SNX13: variants seen among roughly 807,000 people sequenced by gnomAD.
SNX13 encodes sorting nexin 13, also known as sorting nexin-13.
A neutral mutation model predicts 133.6 loss-of-function variants in SNX13; 45 were observed. The ratio of observed to expected loss-of-function variants is 0.34; its 90% CI spans 0.27 to 0.43. The LOEUF (loss-of-function observed/expected upper bound fraction) is 0.43. SNX13 is among the 20% of genes least tolerant of loss of function. The pLI, the probability that SNX13 is intolerant of heterozygous loss-of-function variation, is 1.00. For synonymous variants in SNX13, 414 were observed against 373.9 expected (o/e 1.11, Z -1.24); for missense variants, 1,032 against 1,145.1 (o/e 0.90, Z 1.43).
rs1783819273 is a variant in SNX13 at position 17,794,233 on chromosome 7, C to G, written c.2686G>C (p.Glu896Gln). The change falls in exon 26 of 26, where the codon GAA (glutamate) becomes CAA (glutamine). Residue 896 changes from glutamate to glutamine, a missense_variant. Transcript: ENST00000428135. ...TTRKGILRVF[E>Q]MFQHNQLNRR... is the part of the protein sequence containing the mutation. ...TTTAATTGGTTGTGCTGAAACATTT[C>G]AAAAACACGAAGAATACCTTTCCGT... 6.2e-7 allele frequency: 1 copy of G among 1,611,456 alleles called. No individual in the cohort carries two copies. Among genetic ancestry groups the G allele is most frequent in the African/African-American group, 1.3e-5 (1 of 74,812 alleles).
intron 11 of SNX13, among the ~76,000 whole-genome samples, chr7:17,848,883 G>T (rs760083000): frequency 3.3e-5 from 5 of 152,192 alleles, no homozygotes; most frequent in Admixed American, 2.0e-4. Context: ...AATATCACAT[G>T]CTCAGGTTTT....
intron 15 of SNX13, chr7:17,831,464 A>C (rs1788477515): frequency 1.0e-6 from 1 of 961,840 alleles, no homozygotes; most frequent in African/African-American, 1.8e-5. Flanking sequence ...TGAGGAGAAA[A>C]GGAGAGAGGA....
At chr7:17,829,197 G>A (rs145231778) in intron 16 of SNX13, among the ~76,000 whole-genome samples, 24 of 151,540 alleles carry the variant, frequency 1.6e-4, no homozygotes, top group East Asian at 1.5e-3. Flanking sequence ...TAGCTATTAC[G>A]AAAGGTCTAA....
intron 20 of SNX13, among the ~76,000 whole-genome samples, chr7:17,813,056 GTA>G (rs977226029): frequency 8.7e-4 from 132 of 152,122 alleles, no homozygotes; most frequent in African/African-American, 3.0e-3. Flanking sequence ...CATGGCACAT[GTA>G]TACCTATGTA....
chr7:17,847,903 T>C (rs1320207493), intron 11 of SNX13, among the ~76,000 whole-genome samples: 1 of 152,112 alleles, frequency 6.6e-6, no homozygotes, highest in African/African-American at 2.4e-5. Flanking sequence ...TAAACACTTT[T>C]AACATTTGGC....
chr7:17,836,005 G>A (rs2128313097), intron 13 of SNX13, among the ~76,000 whole-genome samples: 1 of 152,000 alleles, frequency 6.6e-6, no homozygotes. Context: ...CCTTTCATTT[G>A]CCCTCTAAGC....
At chr7:17,882,272 T>C (rs181072793) in intron 5 of SNX13, 2 of 152,310 alleles carry the variant, frequency 1.3e-5, no homozygotes, top group East Asian at 3.9e-4. Flanking sequence ...TTCATGCTGA[T>C]AGCTTAAAAC....
intron 18 of SNX13, among the ~76,000 whole-genome samples, chr7:17,820,302 G>A (rs2128301750): frequency 6.6e-6 from 1 of 152,092 alleles, no homozygotes; most frequent in Non-Finnish European, 1.5e-5. Context: ...ATCATGTTTG[G>A]TTAAAGTGTA....
At chr7:17,800,286 G>A (rs1784472657) in intron 22 of SNX13, among the ~76,000 whole-genome samples, 1 of 151,602 alleles carries the variant, frequency 6.6e-6, no homozygotes, top group Non-Finnish European at 1.5e-5. Context: ...GATTAAGACA[G>A]TTGATTATAA....
At chr7:17,835,426 G>A (rs1394081003) in intron 13 of SNX13, among the ~76,000 whole-genome samples, 1 of 151,870 alleles carries the variant, frequency 6.6e-6, no homozygotes, top group Non-Finnish European at 1.5e-5. Flanking sequence ...AAGTTCCAGT[G>A]TGATATGGGG....
chr7:17,840,459 A>T (rs867859995), intron 12 of SNX13, among the ~76,000 whole-genome samples: 21 of 152,038 alleles, frequency 1.4e-4, no homozygotes, highest in East Asian at 1.9e-4. Context: ...GATCTAAATT[A>T]AAAAGTATAT....
chr7:17,906,791 C>T (rs1798447993), intron 1 of SNX13, among the ~76,000 whole-genome samples: 1 of 152,272 alleles, frequency 6.6e-6, no homozygotes, highest in Non-Finnish European at 1.5e-5. Context: ...GGTCAACCAA[C>T]AGAAGAGCCA....
intron 20 of SNX13, among the ~76,000 whole-genome samples, chr7:17,808,326 G>A (rs1168903052): frequency 1.3e-5 from 2 of 152,132 alleles, no homozygotes; most frequent in Non-Finnish European, 2.9e-5. Context: ...CTCAATAGCT[G>A]AATCAATTAA....
chr7:17,801,615 G>T lies in SNX13; in HGVS notation c.2271C>A (p.Arg757=). 6.2e-7 allele frequency: 1 copy of T among 1,609,280 alleles called. No homozygotes were observed. Among genetic ancestry groups the T allele is most frequent in the South Asian group, 1.1e-5 (1 of 89,784 alleles). The stretch of plus-strand genomic sequence containing the variant: ...TATCGTCAAGTTGAGCCGAAACTCG[G>T]CGATGTTCAGGGTCTGAATCAGTCT... ...IPKTDSDPEH[R]RVSAQLDDNV... is the part of the protein sequence containing the mutation. Residue 757 remains arginine (R), a synonymous_variant, in exon 22 of 26, where the codon CGC becomes CGA. Coordinates refer to ENST00000428135, the MANE Select transcript of SNX13 (RefSeq NM_015132.5).
chr7:17,917,631 C>G (rs533427188), intron 1 of SNX13, among the ~76,000 whole-genome samples: 1 of 151,352 alleles, frequency 6.6e-6, no homozygotes, highest in Admixed American at 6.6e-5. Context: ...TAAAACACAG[C>G]AGAAATATGT....
At chr7:17,797,073 C>T in intron 24 of SNX13, 134 bp from the exon 25 acceptor site, 1 of 671,140 alleles carries the variant, frequency 1.5e-6, no homozygotes, top group South Asian at 1.9e-5. Flanking sequence ...TAACATATAG[C>T]TATAATGATA....
At chr7:17,868,695 G>C (rs1216766701) in intron 8 of SNX13, among the ~76,000 whole-genome samples, 1 of 152,032 alleles carries the variant, frequency 6.6e-6, no homozygotes, top group Non-Finnish European at 1.5e-5. Flanking sequence ...TATCAACTTG[G>C]ACACATCTCC....
chr7:17,831,890 C>CTGAGCTG (rs1483035885), intron 15 of SNX13: 1 of 984,210 alleles, frequency 1.0e-6, no homozygotes, highest in Non-Finnish European at 1.2e-6. Flanking sequence ...AAAACCTAAA[C>CTGAGCTG]ACTGACAAAG....
At chr7:17,885,894 T>C (rs1318534475) in intron 5 of SNX13, among the ~76,000 whole-genome samples, 1 of 152,218 alleles carries the variant, frequency 6.6e-6, no homozygotes, top group Non-Finnish European at 1.5e-5. Flanking sequence ...TTTCTAATTT[T>C]AAATTAGTTT....
Sources: gnomAD v4.1 joint callset for allele counts (sites outside exome capture counted in the v4.1 genomes callset) on GRCh38, gnomAD v4.1.1 for gene constraint, MANE v1.5 for transcripts, NCBI Gene and HGNC (gene_info 2026-07-23, HGNC 2026-07-21) for gene names.